CDKL3: variants seen among roughly 807,000 people sequenced by gnomAD.
CDKL3 encodes the protein cyclin-dependent kinase-like 3.
Under a neutral mutation model 69.3 loss-of-function variants are expected in CDKL3, and 65 were observed. That is an observed-to-expected ratio of 0.94 (90% confidence interval 0.77 to 1.15). CDKL3 has a LOEUF of 1.15. CDKL3 is among the 50% of genes most tolerant of loss of function. The pLI is 0.00. For synonymous variants in CDKL3, 202 were observed against 221.6 expected, an observed-to-expected ratio of 0.91 and a Z score of 0.79; for missense variants, 652 against 689.2, an observed-to-expected ratio of 0.95 and a Z score of 0.61.
chr5:134,300,337 T>G (rs1429651167), intron 12 of CDKL3, among the ~76,000 whole-genome samples: 2 of 152,026 alleles, frequency 1.3e-5, no homozygotes, highest in African/African-American at 4.8e-5. Context: ...AGACTCTGTC[T>G]CAATAAATAA....
At chr5:134,320,602 G>A (rs761437810) in intron 5 of CDKL3, among the ~76,000 whole-genome samples, 17 of 151,700 alleles carry the variant, frequency 1.1e-4, no homozygotes, top group Admixed American at 2.0e-4. Context: ...TTAGCCGGGC[G>A]CGGTGGTTCA....
chr5:134,351,094 A>G (rs1753193408), intron 3 of CDKL3, among the ~76,000 whole-genome samples: 1 of 152,060 alleles, frequency 6.6e-6, no homozygotes, highest in Non-Finnish European at 1.5e-5. Context: ...TCCAGTAGCC[A>G]CCTCTCCACC....
At chr5:134,302,479 T>C in intron 12 of CDKL3, 111 bp downstream of exon 12, 2 of 639,466 alleles carry the variant, frequency 3.1e-6, no homozygotes, top group Non-Finnish European at 5.4e-6. Flanking sequence ...TCAAAGATTA[T>C]AAAATTTTGA....
At chr5:134,326,817 GTATATATATATATATATA>G (rs1164800558) in intron 4 of CDKL3, among the ~76,000 whole-genome samples, 1,761 of 120,234 alleles carry the variant, frequency 0.015, 72 homozygotes, top group African/African-American at 0.058. Flanking sequence ...ATATGTGTGT[GTATATATATATATATATA>G]TATATATATA....
intron 7 of CDKL3, among the ~76,000 whole-genome samples, chr5:134,309,334 G>C (rs564881886): frequency 6.6e-6 from 1 of 152,134 alleles, no homozygotes; most frequent in South Asian, 2.1e-4. Flanking sequence ...CACCTGCCTC[G>C]TCCTCCCAAA....
intron 4 of CDKL3, among the ~76,000 whole-genome samples, chr5:134,329,470 T>TTTAC (rs560650911): frequency 7.6e-4 from 115 of 151,882 alleles, no homozygotes; most frequent in Non-Finnish European, 1.4e-3. Flanking sequence ...AATTTTTTAT[T>TTTAC]TTATTTATTT....
chr5:134,368,025 T>C (rs1757856164), upstream of CDKL3, among the ~76,000 whole-genome samples: 1 of 152,174 alleles, frequency 6.6e-6, no homozygotes, highest in Non-Finnish European at 1.5e-5. Context: ...AAAAGCGAAA[T>C]CTCGCTATGC....
At chr5:134,367,301 C>A (rs1205420039), upstream of CDKL3, 1 of 982,880 alleles carries the variant, frequency 1.0e-6, no homozygotes, top group East Asian at 1.2e-4. Flanking sequence ...GAGGGGAGTA[C>A]AGATTGCTGT....
intron 12 of CDKL3, among the ~76,000 whole-genome samples, chr5:134,299,915 CA>C (rs1159733531): frequency 2.0e-5 from 3 of 152,204 alleles, no homozygotes; most frequent in African/African-American, 7.2e-5. Flanking sequence ...TCCAACAAAA[CA>C]AAAGGTGGCC....
upstream of CDKL3, among the ~76,000 whole-genome samples, chr5:134,370,444 C>G (rs1455756529): frequency 6.6e-6 from 1 of 152,204 alleles, no homozygotes; most frequent in African/African-American, 2.4e-5. Flanking sequence ...TCACTCATGT[C>G]TGCCGGAGCT....
chr5:134,332,916 C>G lies in CDKL3; in HGVS notation c.540-11013G>C, dbSNP rs565235187. ...GCCATTTTCACGATATTGATTCTTCCTGTCCATGGGCATGGAATGTTCTTC... is the reference window on the plus strand; with the variant it reads ...GCCATTTTCACGATATTGATTCTTCGTGTCCATGGGCATGGAATGTTCTTC... On this transcript the variant is annotated intron_variant, in intron 4 of 12. Coordinates refer to ENST00000265334, the MANE Select transcript of CDKL3 (RefSeq NM_001113575.2). 2.0e-5 allele frequency among the ~76,000 whole-genome samples: 3 copies of G among 152,310 alleles called. No individual in the cohort carries two copies. In the South Asian group the frequency reaches 6.2e-4, roughly 32 times the overall value.
downstream of CDKL3, among the ~76,000 whole-genome samples, chr5:134,296,956 T>TC (rs946960853): frequency 2.7e-5 from 4 of 149,184 alleles, no homozygotes; most frequent in Non-Finnish European, 4.5e-5. Flanking sequence ...TCTTTTCTTT[T>TC]TTTTTTTTTT....
chr5:134,334,760 G>T (rs1776650347), intron 4 of CDKL3, among the ~76,000 whole-genome samples: 1 of 152,180 alleles, frequency 6.6e-6, no homozygotes, highest in Non-Finnish European at 1.5e-5. Flanking sequence ...GAATAAGTGT[G>T]ATGTGGTGCT....
At chr5:134,311,274 C>G (rs189350594) in intron 7 of CDKL3, among the ~76,000 whole-genome samples, 4 of 152,272 alleles carry the variant, frequency 2.6e-5, no homozygotes, top group Admixed American at 2.6e-4. Context: ...GAGGCCAAGG[C>G]GGGTGGATCA....
At chr5:134,299,008 G>A (rs1287251712) in intron 12 of CDKL3, among the ~76,000 whole-genome samples, 1 of 152,018 alleles carries the variant, frequency 6.6e-6, no homozygotes, top group Non-Finnish European at 1.5e-5. Context: ...GAGTAGCTGG[G>A]ATTACAGGTG....
intron 8 of CDKL3, among the ~76,000 whole-genome samples, chr5:134,287,895 C>CTTT (rs5871533): frequency 2.9e-5 from 4 of 138,150 alleles, no homozygotes; most frequent in African/African-American, 2.7e-5. Context: ...TGTAACTTTA[C>CTTT]TTTTTTTTTT....
intron 7 of CDKL3, among the ~76,000 whole-genome samples, chr5:134,311,362 A>G (rs529630261): frequency 3.3e-5 from 5 of 152,302 alleles, no homozygotes; most frequent in African/African-American, 1.2e-4. Flanking sequence ...AAAATTAGCC[A>G]GGCGTGGTGG....
At chr5:134,338,268 T>A (rs1777577504) in intron 4 of CDKL3, among the ~76,000 whole-genome samples, 1 of 152,088 alleles carries the variant, frequency 6.6e-6, no homozygotes, top group African/African-American at 2.4e-5. Flanking sequence ...TAGAATGACA[T>A]AAGAATAACT....
chr5:134,311,605 G>A (rs1177837289), intron 7 of CDKL3, among the ~76,000 whole-genome samples: 1 of 152,030 alleles, frequency 6.6e-6, no homozygotes, highest in Non-Finnish European at 1.5e-5. Flanking sequence ...CATCAGAAGA[G>A]GAAAAACCAG....
Sources: allele counts gnomAD v4.1 joint callset (sites outside exome capture counted in the v4.1 genomes callset), GRCh38; gene constraint gnomAD v4.1.1; transcripts MANE v1.5; gene names NCBI Gene and HGNC (gene_info 2026-07-23, HGNC 2026-07-21).